Variants in ERBB4 observed in about 807,000 individuals in gnomAD.
The protein encoded by ERBB4 is receptor tyrosine-protein kinase erbB-4.
A neutral mutation model predicts 158.0 loss-of-function variants in ERBB4; 42 were observed. The observed-to-expected ratio is 0.27, with a 90% CI of 0.21 to 0.34. ERBB4 has a LOEUF of 0.34. ERBB4 is among the 10% of genes least tolerant of loss of function. The pLI, the probability that ERBB4 is intolerant of heterozygous loss-of-function variation, is 1.00. For synonymous variants in ERBB4, 583 were observed against 558.7 expected (o/e 1.04, Z -0.61); for missense variants, 1,333 against 1,624.1 (o/e 0.82, Z 3.08).
chr2:212,194,687 A>G (rs1171567995), intron 1 of ERBB4, among the ~76,000 whole-genome samples: 1 of 152,032 alleles, frequency 6.6e-6, no homozygotes, highest in African/African-American at 2.4e-5. Context: ...CCTTAGAGAC[A>G]GCTCTGTTTC....
intron 20 of ERBB4, among the ~76,000 whole-genome samples, chr2:211,486,420 A>T (rs1310425282): frequency 6.6e-6 from 1 of 152,168 alleles, no homozygotes; most frequent in Non-Finnish European, 1.5e-5. Context: ...TTTAAAACTT[A>T]AAGTCATGGT....
chr2:212,521,856 A>G (rs1692188793), intron 1 of ERBB4, among the ~76,000 whole-genome samples: 1 of 151,908 alleles, frequency 6.6e-6, no homozygotes, highest in African/African-American at 2.4e-5. Flanking sequence ...TCAATTCCAA[A>G]AAGTTACTGC....
chr2:211,605,097 C>T (rs2068934797), intron 19 of ERBB4, among the ~76,000 whole-genome samples: 1 of 152,132 alleles, frequency 6.6e-6, no homozygotes, highest in Non-Finnish European at 1.5e-5. Context: ...AAAACGTATT[C>T]AACACACTTG....
chr2:211,801,172 A>C (rs62184485), intron 3 of ERBB4, among the ~76,000 whole-genome samples: 2,517 of 152,326 alleles, frequency 0.017, 28 homozygotes, highest in Non-Finnish European at 0.024. Flanking sequence ...TAATTCAAAT[A>C]AATGAAAATG....
chr2:212,113,827 T>C (rs2079493961), intron 2 of ERBB4, among the ~76,000 whole-genome samples: 1 of 152,144 alleles, frequency 6.6e-6, no homozygotes, highest in South Asian at 2.1e-4. Flanking sequence ...TCATTTATTA[T>C]TAACCAAATC....
intron 1 of ERBB4, among the ~76,000 whole-genome samples, chr2:212,216,577 A>G (rs561465532): frequency 1.3e-5 from 2 of 151,450 alleles, no homozygotes; most frequent in African/African-American, 4.8e-5. Flanking sequence ...CTATGCCATC[A>G]GGAGAATTAA....
At chr2:212,161,341 T>C (rs746891200) in intron 1 of ERBB4, among the ~76,000 whole-genome samples, 10 of 151,938 alleles carry the variant, frequency 6.6e-5, no homozygotes, top group Non-Finnish European at 1.5e-4. Flanking sequence ...CTAGAAATTA[T>C]TACCACACCC....
intron 19 of ERBB4, among the ~76,000 whole-genome samples, chr2:211,580,804 A>ATTCT (rs1377733489): frequency 9.8e-5 from 6 of 61,326 alleles, no homozygotes; most frequent in African/African-American, 7.2e-4. Context: ...ATATATATAT[A>ATTCT]TATATATAAT....
intron 5 of ERBB4, among the ~76,000 whole-genome samples, chr2:211,733,090 T>C (rs1421588215): frequency 6.6e-6 from 1 of 152,228 alleles, no homozygotes; most frequent in Non-Finnish European, 1.5e-5. Flanking sequence ...ATAATATTGT[T>C]AGTTGTGTCA....
intron 1 of ERBB4, among the ~76,000 whole-genome samples, chr2:212,247,204 T>A (rs570626576): frequency 6.6e-6 from 1 of 152,314 alleles, no homozygotes. Flanking sequence ...TTATTGTATC[T>A]TCCAATTAGT....
chr2:212,331,088 G>GTATATATATATATATATATATATA (rs2088143154), intron 1 of ERBB4, among the ~76,000 whole-genome samples: 1 of 31,356 alleles, frequency 3.2e-5, no homozygotes, highest in Non-Finnish European at 1.2e-4. Context: ...ATATATATAT[G>GTATATATATATATATATATATATA]CCCATAACAC....
chr2:211,860,353 A>T (rs1174487540), intron 3 of ERBB4, among the ~76,000 whole-genome samples: 1 of 152,158 alleles, frequency 6.6e-6, no homozygotes, highest in Non-Finnish European at 1.5e-5. Flanking sequence ...TATAAGCCTA[A>T]CTCTTAAATT....
intron 3 of ERBB4, among the ~76,000 whole-genome samples, chr2:211,914,149 G>A (rs1559089347): frequency 6.6e-6 from 1 of 151,678 alleles, no homozygotes; most frequent in Non-Finnish European, 1.5e-5. Flanking sequence ...CAGTACACCT[G>A]GGAGTGACCC....
At chr2:211,705,489 T>A in intron 9 of ERBB4, 98 bp from the exon 10 acceptor site, 1 of 833,830 alleles carries the variant, frequency 1.2e-6, no homozygotes, top group Non-Finnish European at 2.1e-6. Context: ...TAATTTTAAT[T>A]AGCAGTAGGG....
At chr2:212,479,465 T>G (rs1176192837) in intron 1 of ERBB4, among the ~76,000 whole-genome samples, 1 of 152,158 alleles carries the variant, frequency 6.6e-6, no homozygotes, top group Non-Finnish European at 1.5e-5. Context: ...AAAGCAACTT[T>G]TTATAAACAC....
At chr2:212,412,966 TTTTG>T (rs541277169) in intron 1 of ERBB4, among the ~76,000 whole-genome samples, 61 of 152,086 alleles carry the variant, frequency 4.0e-4, no homozygotes, top group African/African-American at 1.2e-3. Context: ...TTTTTGTTTT[TTTTG>T]TTTGTTTGTT....
Position 211,587,433 on chromosome 2 carries a change from C to T in ERBB4, c.2302-25345G>A, listed in dbSNP as rs555779931. ...GACTAGTGTCCTTATAACAGGATGG[C>T]CATGTGAAGACACAGAAGCATAGGG... On this transcript the variant is annotated intron_variant, in intron 19 of 27. Transcript: ENST00000342788. Among the ~76,000 whole-genome samples the T allele has an allele frequency of 1.3e-4, 20 of 152,172 alleles. No individual in the cohort carries two copies. In the South Asian group the frequency reaches 3.9e-3, roughly 30 times the overall value.
intron 1 of ERBB4, among the ~76,000 whole-genome samples, chr2:212,166,332 T>G (rs181361398): frequency 3.3e-5 from 5 of 152,182 alleles, no homozygotes; most frequent in African/African-American, 9.6e-5. Flanking sequence ...ACTAATATGG[T>G]TGGAAATTCA....
rs2063241768 is a variant in ERBB4 at position 211,410,856 on chromosome 2, A to AAATT, written c.3135+9581_3135+9584dup. On this transcript the variant is annotated intron_variant, in intron 25 of 27. Coordinates refer to ENST00000342788, the MANE Select transcript of ERBB4 (RefSeq NM_005235.3). Reference sequence around the variant, plus strand: ...TGAAAATCCTTAGGAAGTCAGGGATAAATTAAAGAACAATAACAATTTGTA... The same window carrying AAATT: ...TGAAAATCCTTAGGAAGTCAGGGATAAATTAATTAAAGAACAATAACAATTTGTA... 3.3e-5 allele frequency among the ~76,000 whole-genome samples: 5 copies of AAATT among 152,330 alleles called. No individual in the cohort carries two copies. In the South Asian group the frequency reaches 1.0e-3, roughly 32 times the overall value.
Sources: allele counts gnomAD v4.1 joint callset (sites outside exome capture counted in the v4.1 genomes callset), GRCh38; gene constraint gnomAD v4.1.1; transcripts MANE v1.5; gene names NCBI Gene and HGNC (gene_info 2026-07-23, HGNC 2026-07-21).